The following PLEKHM3 variants were observed in gnomAD, a reference collection of about 807,000 sequenced individuals.
PLEKHM3 encodes the protein pleckstrin homology domain containing M3.
In PLEKHM3, 45 loss-of-function variants were observed where a neutral mutation model predicts 81.8. The ratio of observed to expected loss-of-function variants is 0.55; its 90% confidence interval spans 0.43 to 0.71. PLEKHM3 has a LOEUF of 0.71. PLEKHM3 is among the 30% of genes least tolerant of loss of function. The pLI is 0.00. For synonymous variants in PLEKHM3, 352 were observed against 356.4 expected (o/e 0.99, Z 0.14); for missense variants, 788 against 924.3 (o/e 0.85, Z 1.91).
chr2:208,002,921 AC>A (rs1692360571), intron 1 of PLEKHM3, among the ~76,000 whole-genome samples: 1 of 151,944 alleles, frequency 6.6e-6, no homozygotes, highest in Non-Finnish European at 1.5e-5. Context: ...AAAAAAAAAA[AC>A]AAATAAAACA....
At chr2:207,831,119 G>A (rs1366937938) in intron 7 of PLEKHM3, among the ~76,000 whole-genome samples, 1 of 152,242 alleles carries the variant, frequency 6.6e-6, no homozygotes. Flanking sequence ...TTAGTGAACA[G>A]CAAGGACTGC....
At chr2:207,982,259 C>T (rs895769063) in intron 2 of PLEKHM3, among the ~76,000 whole-genome samples, 2 of 130,864 alleles carry the variant, frequency 1.5e-5, no homozygotes, top group East Asian at 2.7e-4. Context: ...CCCCCTCCCT[C>T]GCTCCCTCCT....
chr2:207,856,150 TATTA>T (rs1202041147), intron 7 of PLEKHM3, among the ~76,000 whole-genome samples: 1 of 152,204 alleles, frequency 6.6e-6, no homozygotes, highest in Non-Finnish European at 1.5e-5. Context: ...TTTAAATTTT[TATTA>T]ATAATAGACT....
Position 207,892,332 on chromosome 2 carries a change from T to C in PLEKHM3, c.1950+16182A>G, listed in dbSNP as rs141424754. ...TGTGGTAAATGTACACAGCATACCA[T>C]TTACCATACACATCCATACCAATGC... On this transcript the variant is annotated intron_variant, in intron 6 of 7. Transcript: ENST00000427836. 1.5e-3 allele frequency among the ~76,000 whole-genome samples: 221 copies of C among 152,302 alleles called. 1 individual carries two copies. In the Middle Eastern group the frequency reaches 0.017, roughly 12 times the overall value.
At chr2:207,923,806 C>T (rs1689266804) in intron 5 of PLEKHM3, among the ~76,000 whole-genome samples, 1 of 144,384 alleles carries the variant, frequency 6.9e-6, no homozygotes, top group African/African-American at 2.6e-5. Flanking sequence ...CTGAAACATA[C>T]CTGACCACAT....
chr2:207,889,958 C>A (rs1203175752), intron 6 of PLEKHM3, among the ~76,000 whole-genome samples: 1 of 152,120 alleles, frequency 6.6e-6, no homozygotes, highest in Non-Finnish European at 1.5e-5. Context: ...GGCCTACCAC[C>A]ACACCTGGCT....
intron 5 of PLEKHM3, among the ~76,000 whole-genome samples, chr2:207,923,822 T>A (rs1024359644): frequency 7.1e-6 from 1 of 141,712 alleles, no homozygotes; most frequent in Non-Finnish European, 1.5e-5. Context: ...CACATGGATA[T>A]ATATACATAC....
chr2:207,864,148 GA>G (rs947697407), intron 6 of PLEKHM3, among the ~76,000 whole-genome samples: 11 of 152,142 alleles, frequency 7.2e-5, no homozygotes, highest in African/African-American at 2.4e-4. Context: ...AAAGGGGGTA[GA>G]AATTATCCTG....
Position 207,822,593 on chromosome 2 carries a change from T to C in PLEKHM3, c.*5726A>G, listed in dbSNP as rs1472479299. On this transcript the variant is annotated 3_prime_UTR_variant, in exon 8 of 8. Coordinates refer to ENST00000427836, the MANE Select transcript of PLEKHM3 (RefSeq NM_001080475.3). ...GCTAATGGCACTAAGAAGCCAATGT[T>C]TGTACCATTCTACTTTAACGACGTG... The C allele has an allele frequency of 6.5e-6, 1 of 152,826 alleles. No individual in the cohort carries two copies. The highest frequency in any genetic ancestry group is 1.9e-4 in the East Asian group (1 of 5,198). 9.5% of individuals were successfully genotyped at this position (152,826 alleles called of 1,614,324 possible).
At position 207,916,741 on chromosome 2, in the gene PLEKHM3, T is replaced by A. The variant is rs1286833232; in HGVS notation, c.1887-8164A>T. On this transcript the variant is annotated intron_variant, in intron 5 of 7. Coordinates refer to ENST00000427836, the MANE Select transcript of PLEKHM3 (RefSeq NM_001080475.3). ...CCAGCCCAGGTGACAGAGTGAGACT[T>A]CATCTCAAAAAAAGAAAAAAAAAGA... is the stretch of plus-strand genomic sequence containing the variant. Among the ~76,000 whole-genome samples, 3 of 151,832 alleles carry A rather than the reference T, an allele frequency of 2.0e-5. No individual in the cohort carries two copies. The East Asian group carries it at 5.8e-4, about 29-fold the overall frequency.
Position 207,941,695 on chromosome 2 carries a change from T to C in PLEKHM3, c.1692+4672A>G, listed in dbSNP as rs1325828223. 2.6e-5 allele frequency among the ~76,000 whole-genome samples: 4 copies of C among 152,092 alleles called. No homozygotes were observed. The South Asian group carries it at 6.2e-4, about 24-fold the overall frequency. ...TAAAGTGAAGAGACAATGTACAAAA[T>C]GGAAGAAAATATGTGCAAGCCATTA... On this transcript the variant is annotated intron_variant, in intron 4 of 7. Transcript: ENST00000427836.
At chr2:208,016,740 T>C (rs1290426292) in intron 1 of PLEKHM3, among the ~76,000 whole-genome samples, 1 of 147,766 alleles carries the variant, frequency 6.8e-6, no homozygotes, top group Non-Finnish European at 1.5e-5. Flanking sequence ...ACAGAGACCA[T>C]AGCTAACCTT....
chr2:207,892,123 C>T (rs543515986), intron 6 of PLEKHM3, among the ~76,000 whole-genome samples: 1 of 152,230 alleles, frequency 6.6e-6, no homozygotes, highest in African/African-American at 2.4e-5. Flanking sequence ...CAGCACACTC[C>T]CACCTAGAAT....
chr2:207,858,005 T>C (rs1027227305), intron 7 of PLEKHM3, among the ~76,000 whole-genome samples: 1 of 151,876 alleles, frequency 6.6e-6, no homozygotes, highest in Non-Finnish European at 1.5e-5. Context: ...GCTGTTTTTT[T>C]ATATATTTTA....
intron 4 of PLEKHM3, among the ~76,000 whole-genome samples, chr2:207,937,718 G>A (rs945255137): frequency 5.3e-5 from 8 of 151,942 alleles, no homozygotes; most frequent in African/African-American, 2.4e-5. Flanking sequence ...ATCAACAGAG[G>A]AAAAAATATC....
rs1377436108 is a variant in PLEKHM3 at position 207,930,922 on chromosome 2, T to C, written c.1886+4A>G. ...GGGAGCCGTCTGAGATTTATGACTC[T>C]TACCTGCGGCGGAGATCCTCTGCCA... On this transcript the variant is annotated splice_donor_region_variant and intron_variant, in intron 5 of 7. Coordinates refer to ENST00000427836, the MANE Select transcript of PLEKHM3 (RefSeq NM_001080475.3). 1 of 1,612,204 alleles carries C rather than the reference T, an allele frequency of 6.2e-7. No homozygotes were observed. The highest frequency in any genetic ancestry group is 1.3e-5 in the African/African-American group (1 of 74,880).
At chr2:207,973,736 T>C (rs535768594) in intron 3 of PLEKHM3, among the ~76,000 whole-genome samples, 1 of 149,960 alleles carries the variant, frequency 6.7e-6, no homozygotes, top group Non-Finnish European at 1.5e-5. Flanking sequence ...CGAAACTCCA[T>C]CTCAAAAAAA....
At chr2:207,840,394 G>C (rs2092343536) in intron 7 of PLEKHM3, among the ~76,000 whole-genome samples, 1 of 151,964 alleles carries the variant, frequency 6.6e-6, no homozygotes, top group Admixed American at 6.6e-5. Flanking sequence ...ACAAGTTTCT[G>C]CTATGTTGCC....
At chr2:207,860,338 C>T (rs116404230) in intron 7 of PLEKHM3, among the ~76,000 whole-genome samples, 3,529 of 152,182 alleles carry the variant, frequency 0.023, 64 homozygotes, top group Non-Finnish European at 0.035. Context: ...TATCTTAGCT[C>T]TACCCTACAT....
Sources: gnomAD v4.1 joint callset for allele counts (sites outside exome capture counted in the v4.1 genomes callset) on GRCh38, gnomAD v4.1.1 for gene constraint, MANE v1.5 for transcripts, NCBI Gene and HGNC (gene_info 2026-07-23, HGNC 2026-07-21) for gene names.